The following KCNQ1 variants were observed in gnomAD, a reference collection of about 807,000 sequenced individuals.
KCNQ1 encodes potassium voltage-gated channel subfamily KQT member 1.
KCNQ1 carries 49 observed loss-of-function variants against 72.4 expected under a neutral mutation model. The ratio of observed to expected loss-of-function variants is 0.68; its 90% CI spans 0.54 to 0.86. The LOEUF (loss-of-function observed/expected upper bound fraction) is 0.86, where lower values mean the gene tolerates loss of function less well. KCNQ1 is among the 40% of genes least tolerant of loss of function. KCNQ1 has a pLI of 0.00. For synonymous variants in KCNQ1, 450 were observed against 412.6 expected, an observed-to-expected ratio of 1.09 and a Z score of -1.10; for missense variants, 790 against 945.1, an observed-to-expected ratio of 0.84 and a Z score of 2.15.
intron 2 of KCNQ1, among the ~76,000 whole-genome samples, chr11:2,558,348 C>T (rs531980557): frequency 7.9e-5 from 12 of 152,372 alleles, no homozygotes; most frequent in East Asian, 3.9e-4. Flanking sequence ...TGTAAGCATA[C>T]GTGTTTATTC....
chr11:2,844,040 G>A (rs947886529), intron 15 of KCNQ1, among the ~76,000 whole-genome samples: 7 of 152,220 alleles, frequency 4.6e-5, no homozygotes, highest in Admixed American at 1.3e-4. Flanking sequence ...GCACCTGCCC[G>A]GATGCACCTC....
At position 2,586,682 on chromosome 11, in the gene KCNQ1, G is replaced by A. The variant is rs146703619; in HGVS notation, c.1129-888G>A. Among the ~76,000 whole-genome samples the A allele has an allele frequency of 4.2e-3, 644 of 152,270 alleles. 3 individuals are homozygous for A. The highest frequency in any genetic ancestry group is 0.02 in the Middle Eastern group (6 of 294). On this transcript the variant is annotated intron_variant, in intron 8 of 15. Transcript: ENST00000155840. ...TAACACTCGGGCCTTGGAAGGCTGG[G>A]CTTGTGCCCTCGCCTGCCTGTCCCT...
chr11:2,534,231 G>A (rs1287595196), intron 2 of KCNQ1, among the ~76,000 whole-genome samples: 3 of 152,202 alleles, frequency 2.0e-5, no homozygotes, highest in Non-Finnish European at 4.4e-5. Context: ...TGTCCTCAGC[G>A]CCCTGGCCTC....
chr11:2,667,758 C>G (rs1045304950), intron 11 of KCNQ1: 3 of 398,580 alleles, frequency 7.5e-6, no homozygotes, highest in Non-Finnish European at 1.3e-5. Context: ...CTGGGCCTAG[C>G]GGCCCTGAAG....
chr11:2,476,663 G>A (rs537539231), intron 1 of KCNQ1, among the ~76,000 whole-genome samples: 2 of 152,122 alleles, frequency 1.3e-5, no homozygotes, highest in South Asian at 2.1e-4. Context: ...ACATGAGAAG[G>A]CTCTTTGGCA....
In KCNQ1 at chr11:2,477,642, T is replaced by A. The variant is rs530360266; in HGVS notation, c.386+32158T>A. Among the ~76,000 whole-genome samples, 1 of 152,038 alleles carries A rather than the reference T, an allele frequency of 6.6e-6. No individual in the cohort carries two copies. The highest frequency in any genetic ancestry group is 2.1e-4 in the South Asian group (1 of 4,810). On this transcript the variant is annotated intron_variant, in intron 1 of 15. Transcript: ENST00000155840. The surrounding 1 kb of genome is among the most constrained non-coding windows in gnomAD (Gnocchi z 5.0). ...GGCTAGGCACAGTAGTTCATGCCTG[T>A]AATCCCACCACTTTGGGAGGCTAAG...
intron 11 of KCNQ1, among the ~76,000 whole-genome samples, chr11:2,717,276 A>G (rs1446981038): frequency 1.3e-5 from 2 of 152,158 alleles, no homozygotes; most frequent in Non-Finnish European, 2.9e-5. Context: ...AGCAGGAATC[A>G]CAAGCTGGAT....
At position 2,550,905 on chromosome 11, in the gene KCNQ1, G is replaced by T. The variant is rs1847973897; in HGVS notation, c.478-19723G>T. Among the ~76,000 whole-genome samples the T allele has an allele frequency of 6.6e-6, 1 of 152,012 alleles. No individual in the cohort carries two copies. Among genetic ancestry groups the T allele is most frequent in the Non-Finnish European group, 1.5e-5 (1 of 67,994 alleles). ...GAGGGGGGGGCACAGACTGAGACAGGGTCCCCGTGTTCCATCCATGGGGTA... is the reference window on the plus strand; with the variant it reads ...GAGGGGGGGGCACAGACTGAGACAGTGTCCCCGTGTTCCATCCATGGGGTA... On this transcript the variant is annotated intron_variant, in intron 2 of 15. Coordinates refer to ENST00000155840, the MANE Select transcript of KCNQ1 (RefSeq NM_000218.3). This position sits in a 1 kb window ranked among gnomAD's most constrained non-coding sequence, Gnocchi z 6.0.
intron 11 of KCNQ1, chr11:2,697,697 C>T (rs1590038988): frequency 2.5e-6 from 1 of 398,558 alleles, no homozygotes; most frequent in Non-Finnish European, 4.4e-6. Flanking sequence ...ATTGGATCAT[C>T]TTTGCATTCC....
Position 2,827,458 on chromosome 11 carries a change from A to C in KCNQ1, c.1795-20309A>C, listed in dbSNP as rs1350431878. Among the ~76,000 whole-genome samples, 5 of 152,128 alleles carry C rather than the reference A, an allele frequency of 3.3e-5. No individual in the cohort carries two copies. The highest frequency in any genetic ancestry group is 4.8e-5 in the African/African-American group (2 of 41,428). ...GAGGGAGGTAAAAGACATGAAGGAC[A>C]GGCCCCACTCCTGTAAAACCCTACA... On this transcript the variant is annotated intron_variant, in intron 15 of 15. Transcript: ENST00000155840. This position sits in a 1 kb window ranked among gnomAD's most constrained non-coding sequence, Gnocchi z 6.7.
chr11:2,603,667 T>A lies in KCNQ1; in HGVS notation c.1393+14813T>A, dbSNP rs981700845. ...GACTGGTTACTTTCACTTAGCATCA[T>A]GTTTTCAAGGTTTGTGCTTCAGTGC... is the stretch of plus-strand genomic sequence containing the variant. On this transcript the variant is annotated intron_variant, in intron 10 of 15. Transcript: ENST00000155840. The surrounding 1 kb of genome is among the most constrained non-coding windows in gnomAD (Gnocchi z 4.1). 2.0e-5 allele frequency among the ~76,000 whole-genome samples: 3 copies of A among 152,276 alleles called. No homozygotes were observed. The highest frequency in any genetic ancestry group is 2.9e-5 in the Non-Finnish European group (2 of 68,020).
rs1161669127 is a variant in KCNQ1, at chr11:2,695,164, C to T, written c.1514+33083C>T. On this transcript the variant is annotated intron_variant, in intron 11 of 15. Transcript: ENST00000155840. The surrounding 1 kb of genome is among the most constrained non-coding windows in gnomAD (Gnocchi z 5.2). ...GGTTCTTGGCTTTTGGGACTCTGCA[C>T]AGAGTTGATCACAGCCCTCAGCCTA... 5.0e-6 allele frequency: 2 copies of T among 398,604 alleles called. No homozygotes were observed. The highest frequency in any genetic ancestry group is 4.4e-6 in the Non-Finnish European group (1 of 226,062). The allele number at this position is 398,604 out of a possible 1,614,324, so 24.7% of individuals were successfully genotyped here.
At chr11:2,788,136 G>A (rs944870472) in intron 15 of KCNQ1, among the ~76,000 whole-genome samples, 3 of 152,008 alleles carry the variant, frequency 2.0e-5, no homozygotes, top group Non-Finnish European at 4.4e-5. Context: ...GCCATCTCAT[G>A]GCCCCAGCGC....
At position 2,777,622 on chromosome 11, in the gene KCNQ1, A is replaced by G. The variant is rs1590082686; in HGVS notation, c.1733-354A>G. On this transcript the variant is annotated intron_variant, in intron 14 of 15. Coordinates refer to ENST00000155840, the MANE Select transcript of KCNQ1 (RefSeq NM_000218.3). ...GTGGGCTGGTGTAACGGAGCAGCGG[A>G]ATGGCTGTGCCCCCAGCCTGGAGTC... is the stretch of plus-strand genomic sequence containing the variant. 3 of 569,412 alleles carry G rather than the reference A, an allele frequency of 5.3e-6. No individual in the cohort carries two copies. In the East Asian group the frequency reaches 8.6e-5, roughly 16 times the overall value. The allele number at this position is 569,412 out of a possible 1,614,324, so 35.3% of individuals were successfully genotyped here. A position where few individuals can be genotyped will look rare whatever the true frequency, so the allele number is the denominator to read the frequency against.
rs1023182051 is a variant in KCNQ1, at chr11:2,609,149, A to G, written c.1393+20295A>G. 1.3e-5 allele frequency: 5 copies of G among 398,098 alleles called. No homozygotes were observed. In the Admixed American group the frequency reaches 1.3e-4, roughly 11 times the overall value. The allele number at this position is 398,098 out of a possible 1,614,324, so 24.7% of individuals were successfully genotyped here. On this transcript the variant is annotated intron_variant, in intron 10 of 15. Coordinates refer to ENST00000155840, the MANE Select transcript of KCNQ1 (RefSeq NM_000218.3). ...CTGATTTGAAGCCTTATTTTTTGAT[A>G]TAGGCATTCATAGCTATAAAATTCC...
chr11:2,771,489 G>A (rs1314660517), intron 12 of KCNQ1: 1 of 152,100 alleles, frequency 6.6e-6, no homozygotes, highest in Non-Finnish European at 1.5e-5. Context: ...GCTGAACCAA[G>A]AAAAAAAGCA....
At position 2,677,690 on chromosome 11, in the gene KCNQ1, T is replaced by G; in HGVS notation, c.1514+15609T>G. 1 of 398,626 alleles carries G rather than the reference T, an allele frequency of 2.5e-6. No homozygotes were observed. The highest frequency in any genetic ancestry group is 4.4e-6 in the Non-Finnish European group (1 of 226,052). The allele number at this position is 398,626 out of a possible 1,614,324, so 24.7% of individuals were successfully genotyped here. On this transcript the variant is annotated intron_variant, in intron 11 of 15. Coordinates refer to ENST00000155840, the MANE Select transcript of KCNQ1 (RefSeq NM_000218.3). This position sits in a 1 kb window ranked among gnomAD's most constrained non-coding sequence, Gnocchi z 4.5. ...AAAATAATATTTTAACTACTGTTATTTTTCAAATTAACTTCCCAATCAAAT... is the reference window on the plus strand; with the variant it reads ...AAAATAATATTTTAACTACTGTTATGTTTCAAATTAACTTCCCAATCAAAT...
chr11:2,795,329 G>A (rs753603240), intron 15 of KCNQ1, among the ~76,000 whole-genome samples: 10 of 152,238 alleles, frequency 6.6e-5, no homozygotes, highest in Admixed American at 2.6e-4. Flanking sequence ...GGGAGGCCAC[G>A]GACAGGGCCC....
rs770263324 is a variant in KCNQ1 at position 2,608,560 on chromosome 11, C to T, written c.1393+19706C>T. ...GTGTAATCATAGCTCACTGTAACCT[C>T]GATCTCCTAGTCTCAAGTGATCCTT... On this transcript the variant is annotated intron_variant, in intron 10 of 15. Coordinates refer to ENST00000155840, the MANE Select transcript of KCNQ1 (RefSeq NM_000218.3). The surrounding 1 kb of genome is among the most constrained non-coding windows in gnomAD (Gnocchi z 4.6). 8 of 398,458 alleles carry T rather than the reference C, an allele frequency of 2.0e-5. No individual in the cohort carries two copies. The South Asian group carries it at 6.4e-4, about 32-fold the overall frequency. 24.7% of individuals were successfully genotyped at this position (398,458 alleles called of 1,614,324 possible). A position where few individuals can be genotyped will look rare whatever the true frequency, so the allele number is the denominator to read the frequency against.
Sources: gnomAD v4.1 joint callset for allele counts (sites outside exome capture counted in the v4.1 genomes callset) on GRCh38, gnomAD v4.1.1 for gene constraint, Gnocchi (gnomAD v3.1) non-coding constraint, MANE v1.5 for transcripts, NCBI Gene and HGNC (gene_info 2026-07-23, HGNC 2026-07-21) for gene names.